Variants in COMMD1 observed in about 807,000 individuals in gnomAD.
The protein encoded by COMMD1 is copper metabolism domain containing 1.
A neutral mutation model predicts 17.2 loss-of-function variants in COMMD1; 10 were observed. That is an observed-to-expected ratio of 0.58 (90% CI 0.36 to 0.99). COMMD1 has a LOEUF of 0.99. COMMD1 is among the 50% of genes least tolerant of loss of function. The pLI is 0.01. For synonymous variants in COMMD1, 97 were observed against 91.6 expected, an observed-to-expected ratio of 1.06 and a Z score of -0.34; for missense variants, 270 against 231.8, an observed-to-expected ratio of 1.17 and a Z score of -1.07.
chr2:61,994,090 G>A (rs764957455), intron 1 of COMMD1, among the ~76,000 whole-genome samples: 20 of 152,190 alleles, frequency 1.3e-4, no homozygotes, highest in Non-Finnish European at 2.5e-4. Flanking sequence ...GGGTTCAAGC[G>A]ATTCTCCTGC....
At chr2:62,006,119 C>G (rs1443061567) in intron 2 of COMMD1, among the ~76,000 whole-genome samples, 1 of 143,918 alleles carries the variant, frequency 6.9e-6, no homozygotes, top group Non-Finnish European at 1.5e-5. Flanking sequence ...ACCGCATGTT[C>G]TCACTCATAG....
At chr2:62,062,157 A>T (rs950357895) in intron 2 of COMMD1, among the ~76,000 whole-genome samples, 1 of 151,878 alleles carries the variant, frequency 6.6e-6, no homozygotes, top group African/African-American at 2.4e-5. Context: ...TGATTTTCTC[A>T]TCTGTAAGAC....
intron 2 of COMMD1, among the ~76,000 whole-genome samples, chr2:62,023,425 T>C (rs927092857): frequency 6.6e-6 from 1 of 151,928 alleles, no homozygotes; most frequent in African/African-American, 2.4e-5. Flanking sequence ...CCCACAGGAA[T>C]TTAGCCTAAA....
intron 2 of COMMD1, among the ~76,000 whole-genome samples, chr2:62,085,537 A>G (rs1668780190): frequency 6.6e-6 from 1 of 151,884 alleles, no homozygotes; most frequent in Non-Finnish European, 1.5e-5. Context: ...AACTTTTTCT[A>G]GACGAAAGAT....
intron 2 of COMMD1, among the ~76,000 whole-genome samples, chr2:62,052,568 A>G (rs1486752263): frequency 1.3e-5 from 2 of 152,218 alleles, no homozygotes; most frequent in Non-Finnish European, 2.9e-5. Context: ...AGGTAAAGGT[A>G]CATATCTCCT....
chr2:61,975,187 A>G (rs1671768726), intron 1 of COMMD1, among the ~76,000 whole-genome samples: 1 of 122,286 alleles, frequency 8.2e-6, no homozygotes, highest in Admixed American at 1.0e-4. Context: ...GAACTCTTAG[A>G]TAAGCTCATT....
At chr2:61,892,892 G>C (rs540883293) in intron 1 of COMMD1, among the ~76,000 whole-genome samples, 1 of 151,786 alleles carries the variant, frequency 6.6e-6, no homozygotes, top group East Asian at 1.9e-4. Context: ...CCCTGAAACG[G>C]AGTCTCGCTC....
intron 1 of COMMD1, among the ~76,000 whole-genome samples, chr2:61,961,813 G>T (rs1245747945): frequency 6.6e-6 from 1 of 151,492 alleles, no homozygotes; most frequent in Non-Finnish European, 1.5e-5. Context: ...TTTCATTTCT[G>T]CTATTTTATT....
intron 1 of COMMD1, among the ~76,000 whole-genome samples, chr2:61,983,486 G>A (rs376498073): frequency 5.9e-5 from 9 of 152,002 alleles, no homozygotes; most frequent in South Asian, 2.1e-4. Context: ...CACTGCTCCC[G>A]GCCTATAATG....
intron 1 of COMMD1, among the ~76,000 whole-genome samples, chr2:61,972,803 T>G (rs7558365): frequency 6.6e-6 from 1 of 151,904 alleles, no homozygotes; most frequent in Non-Finnish European, 1.5e-5. Context: ...GTATGTGTTT[T>G]TAGTATTTTT....
chr2:62,096,830 T>A (rs1003613232), intron 2 of COMMD1, among the ~76,000 whole-genome samples: 12 of 152,252 alleles, frequency 7.9e-5, no homozygotes, highest in Admixed American at 5.9e-4. Context: ...GGACAGTGTC[T>A]TCTCTGCATT....
intron 1 of COMMD1, among the ~76,000 whole-genome samples, chr2:61,932,505 T>C (rs149113990): frequency 2.2e-4 from 34 of 152,312 alleles, no homozygotes; most frequent in Non-Finnish European, 4.6e-4. Flanking sequence ...GTTGACACTA[T>C]GTCTAAGGAG....
intron 2 of COMMD1, among the ~76,000 whole-genome samples, chr2:62,128,950 TAAAAA>T (rs5831628): frequency 7.7e-6 from 1 of 130,384 alleles, no homozygotes; most frequent in African/African-American, 2.8e-5. Context: ...AAACTCCATC[TAAAAA>T]AAAAAAAAAA....
At chr2:62,052,408 G>A (rs1028388750) in intron 2 of COMMD1, among the ~76,000 whole-genome samples, 3 of 152,106 alleles carry the variant, frequency 2.0e-5, no homozygotes, top group African/African-American at 7.2e-5. Flanking sequence ...CCGGAGATAG[G>A]CTCTGTCCCA....
At chr2:62,103,437 T>C in intron 2 of COMMD1, among the ~76,000 whole-genome samples, 1 of 152,230 alleles carries the variant, frequency 6.6e-6, no homozygotes, top group Admixed American at 6.5e-5. Flanking sequence ...ATGTCAGTGA[T>C]TTTTTTCAGT....
intron 2 of COMMD1, among the ~76,000 whole-genome samples, chr2:62,012,407 C>T (rs1176926261): frequency 6.6e-6 from 1 of 151,332 alleles, no homozygotes; most frequent in Non-Finnish European, 1.5e-5. Context: ...CAATCTCTGC[C>T]TCCCAGGTTC....
chr2:62,082,877 T>C (rs937297008), intron 2 of COMMD1, among the ~76,000 whole-genome samples: 1 of 152,300 alleles, frequency 6.6e-6, no homozygotes, highest in South Asian at 2.1e-4. Flanking sequence ...TAGAAAACCA[T>C]ATACAGTAAA....
intron 1 of COMMD1, among the ~76,000 whole-genome samples, chr2:61,931,109 C>G (rs548279803): frequency 6.6e-6 from 1 of 151,828 alleles, no homozygotes; most frequent in East Asian, 1.9e-4. Context: ...GTTAGGAGTT[C>G]GAGACCAGCC....
At chr2:61,900,521 A>G (rs1311244850) in intron 1 of COMMD1, among the ~76,000 whole-genome samples, 1 of 152,234 alleles carries the variant, frequency 6.6e-6, no homozygotes, top group Non-Finnish European at 1.5e-5. Context: ...ATAATTTGGT[A>G]TCTTATTGCC....
Sources: allele counts gnomAD v4.1 joint callset (sites outside exome capture counted in the v4.1 genomes callset), GRCh38; gene constraint gnomAD v4.1.1; transcripts MANE v1.5; gene names NCBI Gene and HGNC (gene_info 2026-07-23, HGNC 2026-07-21).